LRRK1: variants seen among roughly 807,000 people sequenced by gnomAD.
LRRK1 encodes leucine rich repeat kinase 1, also known as leucine-rich repeat serine/threonine-protein kinase 1.
Under a neutral mutation model 209.1 loss-of-function variants are expected in LRRK1, and 113 were observed. That is an observed-to-expected ratio of 0.54 (90% CI 0.46 to 0.63). The LOEUF (loss-of-function observed/expected upper bound fraction) is 0.63. Among genes scored for constraint, LRRK1 ranks in the 30% least tolerant of loss-of-function variants. LRRK1 has a pLI of 0.00. For synonymous variants in LRRK1, 1,144 were observed against 1,099.7 expected (o/e 1.04, Z -0.80); for missense variants, 2,284 against 2,632.2 (o/e 0.87, Z 2.89).
intron 2 of LRRK1, among the ~76,000 whole-genome samples, chr15:100,930,760 G>A (rs1272989281): frequency 2.0e-5 from 3 of 152,228 alleles, no homozygotes; most frequent in South Asian, 4.1e-4. Flanking sequence ...CCTGTGCAGA[G>A]CGACAAGGAT....
intron 6 of LRRK1, among the ~76,000 whole-genome samples, chr15:101,001,760 T>C (rs1454126933): frequency 1.3e-5 from 2 of 152,204 alleles, no homozygotes; most frequent in Non-Finnish European, 2.9e-5. Flanking sequence ...CACTGAGCTA[T>C]AGTCTGTGCT....
chr15:101,024,971 A>G lies in LRRK1; in HGVS notation c.2232+4A>G. Reference sequence around the variant, plus strand: ...GTTCTGGCTGCTCAACATCGAGGTGAGGACACCAGACGCCAGCCCTGCCAT... The same window carrying G: ...GTTCTGGCTGCTCAACATCGAGGTGGGGACACCAGACGCCAGCCCTGCCAT... On this transcript the variant is annotated splice_donor_region_variant and intron_variant, in intron 16 of 33. Transcript: ENST00000388948. The surrounding 1 kb of genome is among the most constrained non-coding windows in gnomAD (Gnocchi z 4.6). 1 of 1,611,960 alleles carries G rather than the reference A, an allele frequency of 6.2e-7. No homozygotes were observed. Among genetic ancestry groups the G allele is most frequent in the Non-Finnish European group, 8.5e-7 (1 of 1,179,116 alleles).
At chr15:100,975,117 G>C (rs536862787) in intron 3 of LRRK1, among the ~76,000 whole-genome samples, 5 of 152,342 alleles carry the variant, frequency 3.3e-5, no homozygotes, top group African/African-American at 9.6e-5. Flanking sequence ...TATGGAAAAG[G>C]ATCATTCTTC....
At chr15:100,963,699 G>A (rs1479123111) in intron 2 of LRRK1, among the ~76,000 whole-genome samples, 2 of 152,184 alleles carry the variant, frequency 1.3e-5, no homozygotes, top group Non-Finnish European at 2.9e-5. Context: ...GAAAACCGTG[G>A]GAGAACAGGC....
chr15:100,933,821 C>CA lies in LRRK1; in HGVS notation c.97+9124dup, dbSNP rs67129854. ...TGGGCCACAGTGCCAGACTCCATCTCAAAAAAAAAAAAAAAAAAAAAAAAA... is the reference window on the plus strand; with the variant it reads ...TGGGCCACAGTGCCAGACTCCATCTCAAAAAAAAAAAAAAAAAAAAAAAAAA... On this transcript the variant is annotated intron_variant, in intron 2 of 33. Coordinates refer to ENST00000388948, the MANE Select transcript of LRRK1 (RefSeq NM_024652.6). Among the ~76,000 whole-genome samples the CA allele has an allele frequency of 4.0e-3, 170 of 42,872 alleles. 5 individuals are homozygous for CA. Among genetic ancestry groups the CA allele is most frequent in the African/African-American group, 4.7e-3 (51 of 10,826 alleles). The allele number at this position is 42,872 out of a possible 152,430, so 28.1% of individuals were successfully genotyped here. A position where few individuals can be genotyped will look rare whatever the true frequency, so the allele number is the denominator to read the frequency against.
chr15:101,037,633 G>T (rs1308218699), intron 20 of LRRK1, among the ~76,000 whole-genome samples: 1 of 152,158 alleles, frequency 6.6e-6, no homozygotes, highest in Non-Finnish European at 1.5e-5. Flanking sequence ...AGATTAGGCT[G>T]GTGGGTGGGG....
In LRRK1 at chr15:101,054,986, A is replaced by G. The variant is rs2035710377; in HGVS notation, c.4095A>G (p.Lys1365=). Residue 1365 remains lysine (K), a synonymous_variant, in exon 27 of 34, where the codon AAA becomes AAG. Transcript: ENST00000388948. ...FIPLGHMLTQ[K]IAYQIASGLA... ...CCCTGGGACACATGCTCACCCAAAAAATAGCCTACCAGATCGCCTCGGGCC... is the reference window on the plus strand; with the variant it reads ...CCCTGGGACACATGCTCACCCAAAAGATAGCCTACCAGATCGCCTCGGGCC... 1 of 1,613,638 alleles carries G rather than the reference A, an allele frequency of 6.2e-7. No individual in the cohort carries two copies. Among genetic ancestry groups the G allele is most frequent in the East Asian group, 2.2e-5 (1 of 44,872 alleles).
At chr15:100,988,531 A>G in intron 4 of LRRK1, 103 bp from the exon 5 acceptor site, 2 of 1,045,374 alleles carry the variant, frequency 1.9e-6, no homozygotes, top group Non-Finnish European at 3.0e-6. Context: ...ACCACATTTT[A>G]TTTAACCAGT....
Position 100,943,321 on chromosome 15 carries a change from G to A in LRRK1, c.97+18592G>A, listed in dbSNP as rs138679674. Among the ~76,000 whole-genome samples the A allele has an allele frequency of 5.6e-3, 847 of 152,250 alleles. 6 individuals are homozygous for A. The highest frequency in any genetic ancestry group is 0.017 in the African/African-American group (697 of 41,532). On this transcript the variant is annotated intron_variant, in intron 2 of 33. Coordinates refer to ENST00000388948, the MANE Select transcript of LRRK1 (RefSeq NM_024652.6). The stretch of plus-strand genomic sequence containing the variant: ...CCCTTGGGCAAGTCACTGACTCTCT[G>A]GGGACCTCTTTCTTTATCTGTAAGC...
intron 2 of LRRK1, among the ~76,000 whole-genome samples, chr15:100,941,791 A>C (rs1015540306): frequency 5.3e-5 from 8 of 152,078 alleles, no homozygotes; most frequent in Non-Finnish European, 1.5e-5. Flanking sequence ...GTTGCCCAGC[A>C]CACTTTCTCT....
chr15:100,930,633 T>C (rs1567184666), intron 2 of LRRK1, among the ~76,000 whole-genome samples: 1 of 152,254 alleles, frequency 6.6e-6, no homozygotes, highest in Non-Finnish European at 1.5e-5. Context: ...CCAGGCTCAC[T>C]TGGCATGCAT....
At chr15:100,960,757 A>G (rs1202712789) in intron 2 of LRRK1, among the ~76,000 whole-genome samples, 1 of 152,230 alleles carries the variant, frequency 6.6e-6, no homozygotes, top group Non-Finnish European at 1.5e-5. Context: ...TGTAGAACGA[A>G]TGAGCAATAA....
intron 6 of LRRK1, among the ~76,000 whole-genome samples, chr15:101,002,749 T>C (rs892818704): frequency 3.9e-5 from 6 of 152,220 alleles, no homozygotes; most frequent in Non-Finnish European, 8.8e-5. Context: ...TATTTTTTAT[T>C]TTGAGATGGA....
chr15:100,979,491 T>G (rs1489068916), intron 3 of LRRK1, among the ~76,000 whole-genome samples: 2 of 152,034 alleles, frequency 1.3e-5, no homozygotes, highest in Non-Finnish European at 2.9e-5. Flanking sequence ...ATGAAAGAAA[T>G]AAATTAAACT....
intron 2 of LRRK1, among the ~76,000 whole-genome samples, chr15:100,955,492 C>G (rs1040232517): frequency 6.6e-6 from 1 of 152,064 alleles, no homozygotes; most frequent in African/African-American, 2.4e-5. Context: ...TCTTTTATTT[C>G]TTTTTCTTAC....
intron 23 of LRRK1, 37 bp from the exon 24 acceptor site, chr15:101,051,674 T>A: frequency 1.9e-6 from 3 of 1,600,788 alleles, no homozygotes; most frequent in South Asian, 1.1e-5. Context: ...CTGCACCACC[T>A]TCTTGTGAAG....
At chr15:100,920,461 T>C (rs1004389682) in intron 1 of LRRK1, among the ~76,000 whole-genome samples, 5 of 152,206 alleles carry the variant, frequency 3.3e-5, no homozygotes, top group African/African-American at 1.2e-4. Flanking sequence ...GAGAAAATAA[T>C]ATAACAAACT....
chr15:100,967,765 C>T (rs941566914), intron 2 of LRRK1, among the ~76,000 whole-genome samples: 2 of 152,210 alleles, frequency 1.3e-5, no homozygotes, highest in Non-Finnish European at 2.9e-5. Context: ...AAATTTCTCT[C>T]TTGCCTTTCT....
At chr15:101,055,696 A>C (rs1159352577) in intron 27 of LRRK1, among the ~76,000 whole-genome samples, 1 of 152,124 alleles carries the variant, frequency 6.6e-6, no homozygotes, top group Non-Finnish European at 1.5e-5. Context: ...TGAAAGAGCA[A>C]GCTGGCATCC....
Sources: allele counts gnomAD v4.1 joint callset (sites outside exome capture counted in the v4.1 genomes callset), GRCh38; gene constraint gnomAD v4.1.1; non-coding constraint Gnocchi (gnomAD v3.1); transcripts MANE v1.5; gene names NCBI Gene and HGNC (gene_info 2026-07-23, HGNC 2026-07-21).